TIGD4: variants seen among roughly 807,000 people sequenced by gnomAD.
TIGD4 encodes the protein tigger transposable element derived 4.
A neutral mutation model predicts 24.9 loss-of-function variants in TIGD4; 20 were observed. The observed-to-expected ratio is 0.80, with a 90% CI of 0.56 to 1.17. The LOEUF is 1.17. TIGD4 is among the 50% of genes most tolerant of loss of function. The probability of loss-of-function intolerance (pLI) is 0.00; values close to 1 mark genes in which losing one functional copy is unlikely to be tolerated. For synonymous variants in TIGD4, 193 were observed against 211.0 expected, an observed-to-expected ratio of 0.91 and a Z score of 0.74; for missense variants, 566 against 591.0, an observed-to-expected ratio of 0.96 and a Z score of 0.44.
At chr4:152,774,924 T>A (rs1219886311) in intron 1 of TIGD4, among the ~76,000 whole-genome samples, 2 of 152,012 alleles carry the variant, frequency 1.3e-5, no homozygotes, top group African/African-American at 4.8e-5. Flanking sequence ...AGGATTTTTT[T>A]TTTTTTTTTA....
rs28542394 is a variant in TIGD4, at chr4:152,779,582, G to C, written c.-639C>G. On this transcript the variant is annotated 5_prime_UTR_variant, in exon 1 of 2. Coordinates refer to ENST00000304337, the MANE Select transcript of TIGD4 (RefSeq NM_145720.4). ...CTCCACCCTCCCGGCACCAGCTCACGGTCTGTTGGGGGGGTCCTCCTAACG... is the reference window on the plus strand; with the variant it reads ...CTCCACCCTCCCGGCACCAGCTCACCGTCTGTTGGGGGGGTCCTCCTAACG... 30,150 of 152,208 alleles carry C rather than the reference G, an allele frequency of 0.2. 3,135 individuals are homozygous for C. The highest frequency in any genetic ancestry group is 0.24 in the African/African-American group (9,873 of 41,470). 9.4% of individuals were successfully genotyped at this position (152,208 alleles called of 1,614,324 possible).
At chr4:152,774,135 T>G (rs1364102760) in intron 1 of TIGD4, among the ~76,000 whole-genome samples, 1 of 150,610 alleles carries the variant, frequency 6.6e-6, no homozygotes, top group Non-Finnish European at 1.5e-5. Flanking sequence ...AAATCTATCA[T>G]GTCAAACAGC....
At chr4:152,778,473 C>T (rs957938822) in intron 1 of TIGD4, among the ~76,000 whole-genome samples, 2 of 152,282 alleles carry the variant, frequency 1.3e-5, no homozygotes, top group South Asian at 2.1e-4. Flanking sequence ...TAATGGTCTC[C>T]AAACCAACAA....
chr4:152,770,542 G>T lies in TIGD4; in HGVS notation c.463C>A (p.Pro155Thr). The T allele has an allele frequency of 6.2e-7, 1 of 1,612,940 alleles. No homozygotes were observed. Among genetic ancestry groups the T allele is most frequent in the Non-Finnish European group, 8.5e-7 (1 of 1,179,454 alleles). Residue 155 changes from proline (P) to threonine (T), a missense_variant, in exon 2 of 2, where the codon CCA (proline) becomes ACA (threonine). Pro to Thr is a conservative substitution (Grantham distance 38). Coordinates refer to ENST00000304337, the MANE Select transcript of TIGD4 (RefSeq NM_145720.4). ...TACCAGACAGTCGAAGGGTCTACTG[G>T]TACACCTGTAGCTTCTACAGGTTGA... ...RAQPVEATGV[P>T]VDPSTVWYQN...
intron 1 of TIGD4, among the ~76,000 whole-genome samples, chr4:152,776,184 C>A (rs1439693216): frequency 6.6e-6 from 1 of 152,132 alleles, no homozygotes; most frequent in African/African-American, 2.4e-5. Flanking sequence ...TATTCCTACA[C>A]AGCTCACTTC....
intron 1 of TIGD4, among the ~76,000 whole-genome samples, chr4:152,777,667 G>C (rs1447511787): frequency 1.4e-5 from 2 of 146,334 alleles, no homozygotes; most frequent in Non-Finnish European, 3.0e-5. Context: ...AGGAAAGGAG[G>C]AAAGAAAAAG....
chr4:152,770,709 T>G lies in TIGD4; in HGVS notation c.296A>C (p.Gln99Pro). Residue 99 changes from glutamine (Q) to proline (P), a missense_variant, in exon 2 of 2, where the codon CAG becomes CCG. Coordinates refer to ENST00000304337, the MANE Select transcript of TIGD4 (RefSeq NM_145720.4). ...ACCATTAACTGGTACATTTAGACACTGAGCAATTCGATACCATCTCATTAA... is the reference window on the plus strand; with the variant it reads ...ACCATTAACTGGTACATTTAGACACGGAGCAATTCGATACCATCTCATTAA... The part of the protein sequence containing the change: ...EALMRWYRIA[Q>P]CLNVPVNGPM... 3 of 1,613,656 alleles carry G rather than the reference T, an allele frequency of 1.9e-6. No homozygotes were observed. Among genetic ancestry groups the G allele is most frequent in the Non-Finnish European group, 2.5e-6 (3 of 1,179,840 alleles).
chr4:152,778,192 T>TA (rs1038139948), intron 1 of TIGD4, among the ~76,000 whole-genome samples: 12 of 152,162 alleles, frequency 7.9e-5, no homozygotes. Flanking sequence ...GTCTAATAGT[T>TA]AGACTAACTT....
Position 152,770,295 on chromosome 4 carries a change from C to A in TIGD4, c.710G>T (p.Arg237Ile), listed in dbSNP as rs1280167896. ...KLPLLVIGKK[R>I]TPHCFKGLKS... ...TAAACCTTTGAAACAATGTGGAGTT[C>A]TCTTTTTTCCAATGACAAGCAAAGG... is the stretch of plus-strand genomic sequence containing the variant. The change falls in exon 2 of 2, where the codon AGA (arginine) becomes ATA (isoleucine). Residue 237 changes from arginine to isoleucine, a missense_variant. Physicochemically the swap from Arg to Ile is moderately conservative, Grantham distance 97. Coordinates refer to ENST00000304337, the MANE Select transcript of TIGD4 (RefSeq NM_145720.4). 1 of 1,613,832 alleles carries A rather than the reference C, an allele frequency of 6.2e-7. No individual in the cohort carries two copies. The highest frequency in any genetic ancestry group is 1.3e-5 in the African/African-American group (1 of 74,906).
At chr4:152,778,955 A>T (rs139167817) in intron 1 of TIGD4, among the ~76,000 whole-genome samples, 48 of 152,346 alleles carry the variant, frequency 3.2e-4, no homozygotes, top group African/African-American at 1.1e-3. Context: ...AAGCTGTCAA[A>T]GGAAAAGCAG....
intron 1 of TIGD4, among the ~76,000 whole-genome samples, chr4:152,775,701 G>A (rs1392760825): frequency 6.6e-6 from 1 of 152,158 alleles, no homozygotes; most frequent in African/African-American, 2.4e-5. Context: ...GCCACAAGCA[G>A]GAGAAAACTC....
Position 152,769,730 on chromosome 4 carries a change from A to G in TIGD4, c.1275T>C (p.Asp425=). The change falls in exon 2 of 2, where the codon GAT becomes GAC. Residue 425 remains aspartate (D), a synonymous_variant. Transcript: ENST00000304337. ...LSIEEYAALD[D]DLETCEAAPN... is the part of the protein sequence containing the mutation. ...GTGCTGCTTCACATGTCTCCAAATCATCATCCAGGGCAGCATATTCTTCTA... is the reference window on the plus strand; with the variant it reads ...GTGCTGCTTCACATGTCTCCAAATCGTCATCCAGGGCAGCATATTCTTCTA... 6.2e-7 allele frequency: 1 copy of G among 1,613,940 alleles called. No homozygotes were observed. Among genetic ancestry groups the G allele is most frequent in the Non-Finnish European group, 8.5e-7 (1 of 1,179,930 alleles).
intron 1 of TIGD4, among the ~76,000 whole-genome samples, chr4:152,772,359 G>A (rs77833436): frequency 1.3e-5 from 2 of 151,826 alleles, no homozygotes; most frequent in Non-Finnish European, 2.9e-5. Flanking sequence ...AAAAAAAAAG[G>A]TGCCAGGCAG....
intron 1 of TIGD4, among the ~76,000 whole-genome samples, chr4:152,773,642 TAAAAAA>T (rs71598212): frequency 1.2e-5 from 1 of 82,130 alleles, no homozygotes; most frequent in Non-Finnish European, 2.3e-5. Context: ...TCCAATGCCT[TAAAAAA>T]AAAAAAAAAA....
At position 152,770,538 on chromosome 4, in the gene TIGD4, A is replaced by G. The variant is rs769871398; in HGVS notation, c.467T>C (p.Val156Ala). The G allele has an allele frequency of 1.1e-5, 17 of 1,613,146 alleles. 1 individual carries two copies. The highest frequency in any genetic ancestry group is 1.3e-5 in the Non-Finnish European group (15 of 1,179,582). ...AQPVEATGVP[V>A]DPSTVWYQNV... is the part of the protein sequence containing the mutation. Reference sequence around the variant, plus strand: ...TTGGTACCAGACAGTCGAAGGGTCTACTGGTACACCTGTAGCTTCTACAGG... The same window carrying G: ...TTGGTACCAGACAGTCGAAGGGTCTGCTGGTACACCTGTAGCTTCTACAGG... Residue 156 changes from valine (V) to alanine (A), a missense_variant, in exon 2 of 2, where the codon GTA becomes GCA. Physicochemically the swap from Val to Ala is moderately conservative, Grantham distance 64. Transcript: ENST00000304337.
chr4:152,769,667 C>A lies in TIGD4; in HGVS notation c.1338G>T (p.Ser446=). 6.8e-6 allele frequency: 11 copies of A among 1,613,050 alleles called. No homozygotes were observed. The highest frequency in any genetic ancestry group is 9.3e-6 in the Non-Finnish European group (11 of 1,179,518). Residue 446 remains serine, a synonymous_variant, in exon 2 of 2, where the codon TCG becomes TCT. Transcript: ENST00000304337. ...GDSICTKESK[S]DETGFYTSDE... is the part of the protein sequence containing the mutation. ...CAGAAGTGTAAAATCCAGTTTCATC[C>A]GATTTACTTTCTTTGGTGCATATGG... is the stretch of plus-strand genomic sequence containing the variant.
rs1483044149 is a variant in TIGD4, at chr4:152,770,629, A to T, written c.376T>A (p.Phe126Ile). The change falls in exon 2 of 2, where the codon TTT (phenylalanine) becomes ATT (isoleucine). Residue 126 changes from phenylalanine (F) to isoleucine (I), a missense_variant. Coordinates refer to ENST00000304337, the MANE Select transcript of TIGD4 (RefSeq NM_145720.4). The stretch of plus-strand genomic sequence containing the variant: ...TCCAGCCAACCATTACTGCACTTAA[A>T]ATCATTATGGCCCAGTTTCTGGGCA... ...DFAQKLGHND[F>I]KCSNGWLDRF... The T allele has an allele frequency of 6.2e-7, 1 of 1,603,092 alleles. No homozygotes were observed. The highest frequency in any genetic ancestry group is 8.5e-7 in the Non-Finnish European group (1 of 1,176,378).
chr4:152,774,384 C>CT, intron 1 of TIGD4, among the ~76,000 whole-genome samples: 1 of 152,246 alleles, frequency 6.6e-6, no homozygotes. Flanking sequence ...ACAAATTAGA[C>CT]TTTTTCCCTA....
At chr4:152,777,586 A>AAGGG (rs372645622) in intron 1 of TIGD4, among the ~76,000 whole-genome samples, 1 of 140,346 alleles carries the variant, frequency 7.1e-6, no homozygotes, top group Non-Finnish European at 1.6e-5. Context: ...AAAAGGAAGG[A>AAGGG]AGGGAGGGAG....
Sources: gnomAD v4.1 joint callset for allele counts (sites outside exome capture counted in the v4.1 genomes callset) on GRCh38, gnomAD v4.1.1 for gene constraint, MANE v1.5 for transcripts, NCBI Gene and HGNC (gene_info 2026-07-23, HGNC 2026-07-21) for gene names.